Variants in GLRA3 observed in about 807,000 individuals in gnomAD.
The protein encoded by GLRA3 is glycine receptor alpha 3.
GLRA3 carries 44 observed loss-of-function variants against 60.4 expected under a neutral mutation model. That is an observed-to-expected ratio of 0.73 (90% CI 0.57 to 0.94). GLRA3 has a LOEUF of 0.94. GLRA3 is among the 40% of genes least tolerant of loss of function. GLRA3 has a pLI of 0.00. For missense variants in GLRA3, 508 were observed against 564.6 expected, an observed-to-expected ratio of 0.90 and a Z score of 1.02; for synonymous variants, 223 against 192.9, an observed-to-expected ratio of 1.16 and a Z score of -1.29.
chr4:174,717,240 T>A (rs1417828364), intron 4 of GLRA3, among the ~76,000 whole-genome samples: 44 of 79,390 alleles, frequency 5.5e-4, no homozygotes, highest in Middle Eastern at 9.4e-3. Context: ...AAGGAAGGCA[T>A]GCAGGAAGGA....
intron 5 of GLRA3, among the ~76,000 whole-genome samples, chr4:174,683,248 T>C (rs958544154): frequency 1.8e-4 from 27 of 152,356 alleles, no homozygotes; most frequent in African/African-American, 6.3e-4. Flanking sequence ...TAGATTAATT[T>C]TGTAATTTTC....
At chr4:174,756,239 C>T (rs1737690871) in intron 3 of GLRA3, among the ~76,000 whole-genome samples, 2 of 152,106 alleles carry the variant, frequency 1.3e-5, no homozygotes, top group Non-Finnish European at 2.9e-5. Context: ...AAAAGGAACA[C>T]TTTCAACATA....
intron 3 of GLRA3, among the ~76,000 whole-genome samples, chr4:174,736,446 G>A (rs1378881709): frequency 6.6e-6 from 1 of 151,984 alleles, no homozygotes; most frequent in Admixed American, 6.6e-5. Context: ...ACCCCACAAG[G>A]AAATCCTGTA....
At chr4:174,821,988 A>G (rs930125066) in intron 1 of GLRA3, among the ~76,000 whole-genome samples, 1 of 152,228 alleles carries the variant, frequency 6.6e-6, no homozygotes, top group African/African-American at 2.4e-5. Context: ...TTTGTTGAGC[A>G]TGCATGACAT....
At chr4:174,825,264 T>C (rs1294247276) in intron 1 of GLRA3, among the ~76,000 whole-genome samples, 4 of 152,064 alleles carry the variant, frequency 2.6e-5, no homozygotes, top group African/African-American at 9.7e-5. Flanking sequence ...TTCTTCAATA[T>C]CTTACATAGA....
At chr4:174,776,603 A>T (rs1738613704) in intron 2 of GLRA3, among the ~76,000 whole-genome samples, 2 of 152,080 alleles carry the variant, frequency 1.3e-5, no homozygotes, top group Admixed American at 1.3e-4. Flanking sequence ...AAAGCAATCA[A>T]ACAAATTAGA....
intron 1 of GLRA3, among the ~76,000 whole-genome samples, chr4:174,794,269 AG>A (rs1452174557): frequency 6.6e-6 from 1 of 152,204 alleles, no homozygotes; most frequent in Non-Finnish European, 1.5e-5. Flanking sequence ...ATTCTCCAGT[AG>A]TGGATGTAGA....
chr4:174,660,831 G>A (rs4377566), intron 7 of GLRA3, among the ~76,000 whole-genome samples: 82,136 of 152,014 alleles, frequency 0.54, 23,511 homozygotes, highest in African/African-American at 0.74. Flanking sequence ...ATGGATAACT[G>A]TTTTCTTCCA....
intron 3 of GLRA3, among the ~76,000 whole-genome samples, chr4:174,748,378 T>C (rs1381238559): frequency 1.3e-5 from 2 of 152,146 alleles, no homozygotes; most frequent in Admixed American, 1.3e-4. Flanking sequence ...AATTGAGGAA[T>C]AGCATCAGGT....
At chr4:174,665,218 C>T (rs981659694) in intron 7 of GLRA3, among the ~76,000 whole-genome samples, 1 of 147,484 alleles carries the variant, frequency 6.8e-6, no homozygotes, top group Non-Finnish European at 1.5e-5. Context: ...TCCACTCTGC[C>T]TCAGCTGCTT....
intron 1 of GLRA3, among the ~76,000 whole-genome samples, chr4:174,800,111 A>G (rs1339412137): frequency 1.3e-5 from 2 of 152,150 alleles, no homozygotes; most frequent in African/African-American, 4.8e-5. Flanking sequence ...AGGCATAGCT[A>G]AAAAGAGAAT....
rs192768676 is a variant in GLRA3, at chr4:174,656,008, T to G, written c.1116+735A>C. Among the ~76,000 whole-genome samples the G allele has an allele frequency of 1.0e-3, 159 of 152,218 alleles. 3 individuals are homozygous for G. The Middle Eastern group carries it at 0.014, about 13-fold the overall frequency. On this transcript the variant is annotated intron_variant, in intron 9 of 9. Coordinates refer to ENST00000274093, the MANE Select transcript of GLRA3 (RefSeq NM_006529.4). ...AGTTTACCCCAGAAATTAAGTTTAG[T>G]AGACAGAACTATTTGTGTGTGACTT...
At chr4:174,801,513 A>G (rs1484959730) in intron 1 of GLRA3, among the ~76,000 whole-genome samples, 1 of 152,046 alleles carries the variant, frequency 6.6e-6, no homozygotes, top group African/African-American at 2.4e-5. Flanking sequence ...TTCCTTTCAA[A>G]CTTGGTTAAT....
chr4:174,813,496 C>A lies in GLRA3; in HGVS notation c.71+15245G>T, dbSNP rs558856685. Among the ~76,000 whole-genome samples, 8 of 152,326 alleles carry A rather than the reference C, an allele frequency of 5.3e-5. No homozygotes were observed. In the East Asian group the frequency reaches 1.5e-3, roughly 29 times the overall value. ...CCACACCACAGTACCAGAAATAACA[C>A]AGACTTGGCTCTATTCTGTGTTGCC... On this transcript the variant is annotated intron_variant, in intron 1 of 9. Transcript: ENST00000274093.
At chr4:174,782,957 G>A (rs867660963) in intron 2 of GLRA3, among the ~76,000 whole-genome samples, 10 of 151,952 alleles carry the variant, frequency 6.6e-5, no homozygotes, top group African/African-American at 2.4e-4. Context: ...TCACAGAATT[G>A]GAAAAAACTA....
intron 4 of GLRA3, among the ~76,000 whole-genome samples, chr4:174,726,046 A>G (rs1237827478): frequency 6.6e-6 from 1 of 152,066 alleles, no homozygotes. Flanking sequence ...GTGAGGGGAG[A>G]GGCTCCGCCT....
At chr4:174,727,797 G>T (rs968225235) in intron 4 of GLRA3, among the ~76,000 whole-genome samples, 2 of 151,518 alleles carry the variant, frequency 1.3e-5, no homozygotes, top group African/African-American at 2.4e-5. Context: ...TCAATATTGG[G>T]TTTTTTTTAA....
At chr4:174,695,756 A>T (rs559817024) in intron 5 of GLRA3, among the ~76,000 whole-genome samples, 1 of 152,262 alleles carries the variant, frequency 6.6e-6, no homozygotes, top group South Asian at 2.1e-4. Context: ...AGGCAAGACA[A>T]AGAAATAAAG....
At chr4:174,828,595 T>A in intron 1 of GLRA3, 146 bp downstream of exon 1, 1 of 619,684 alleles carries the variant, frequency 1.6e-6, no homozygotes, top group Non-Finnish European at 3.0e-6. Context: ...GCTAAATAAT[T>A]TAGACAGAAA....
Sources: allele counts gnomAD v4.1 joint callset (sites outside exome capture counted in the v4.1 genomes callset), GRCh38; gene constraint gnomAD v4.1.1; transcripts MANE v1.5; gene names NCBI Gene and HGNC (gene_info 2026-07-23, HGNC 2026-07-21).